The following ADARB1 variants were observed in gnomAD, a reference collection of about 807,000 sequenced individuals.
The protein encoded by ADARB1 is adenosine deaminase RNA specific B1.
Under a neutral mutation model 52.4 loss-of-function variants are expected in ADARB1, and 10 were observed. The observed-to-expected ratio is 0.19, with a 90% CI of 0.12 to 0.32. The LOEUF (loss-of-function observed/expected upper bound fraction) is 0.32, where lower values mean the gene tolerates loss of function less well. Ranked by LOEUF, ADARB1 falls within the 10% of genes least tolerant of loss-of-function variation. ADARB1 has a pLI of 1.00. For synonymous variants in ADARB1, 349 were observed against 371.1 expected (o/e 0.94, Z 0.68); for missense variants, 643 against 922.3 (o/e 0.70, Z 3.92).
chr21:45,136,781 T>C (rs1958791757), intron 2 of ADARB1, among the ~76,000 whole-genome samples: 2 of 152,358 alleles, frequency 1.3e-5, no homozygotes, highest in African/African-American at 4.8e-5. Flanking sequence ...CGCCCCCAGC[T>C]GGTGTCCACA....
chr21:45,161,252 T>G (rs384876), intron 2 of ADARB1, among the ~76,000 whole-genome samples: 1 of 152,002 alleles, frequency 6.6e-6, no homozygotes, highest in South Asian at 2.1e-4. Flanking sequence ...GCAGGAGCCC[T>G]GCCATCCTGG....
At chr21:45,100,198 G>A (rs2086939142) in intron 1 of ADARB1, among the ~76,000 whole-genome samples, 1 of 152,220 alleles carries the variant, frequency 6.6e-6, no homozygotes, top group African/African-American at 2.4e-5. Flanking sequence ...GTGAGATTAT[G>A]TATGTCTGCT....
chr21:45,197,703 G>A (rs1042829871), intron 8 of ADARB1, among the ~76,000 whole-genome samples: 3 of 152,098 alleles, frequency 2.0e-5, no homozygotes, highest in African/African-American at 7.2e-5. Context: ...TAGAACAGAC[G>A]GTGGCATATC....
intron 2 of ADARB1, among the ~76,000 whole-genome samples, chr21:45,166,054 A>G (rs1333924082): frequency 1.3e-5 from 2 of 152,216 alleles, no homozygotes; most frequent in African/African-American, 4.8e-5. Context: ...CCAGCACAAT[A>G]GAAACTATTC....
intron 2 of ADARB1, chr21:45,145,473 G>A (rs1025945386): frequency 5.3e-5 from 8 of 152,324 alleles, no homozygotes; most frequent in East Asian, 3.8e-4. Flanking sequence ...GGGTGATTTC[G>A]GGCAGGCGGG....
intron 8 of ADARB1, among the ~76,000 whole-genome samples, chr21:45,201,950 C>T (rs1310438029): frequency 6.6e-6 from 1 of 152,112 alleles, no homozygotes; most frequent in Non-Finnish European, 1.5e-5. Flanking sequence ...GACCTGTGGA[C>T]AGAAGCTTTG....
rs181840745 is a variant in ADARB1 at position 45,077,461 on chromosome 21, C to G, written c.-220+2668C>G. 2.2e-3 allele frequency among the ~76,000 whole-genome samples: 332 copies of G among 151,916 alleles called. 2 individuals are homozygous for G. Among genetic ancestry groups the G allele is most frequent in the African/African-American group, 7.2e-3 (299 of 41,426 alleles). ...CGGGTAGATCACGAGGTCAGGAGAT[C>G]GAGACCATCCTTGCTAACACGGTGA... is the stretch of plus-strand genomic sequence containing the variant. On this transcript the variant is annotated intron_variant, in intron 1 of 10. Coordinates refer to ENST00000348831, the MANE Select transcript of ADARB1 (RefSeq NM_001112.4).
At chr21:45,085,070 T>C (rs1388272205) in intron 1 of ADARB1, among the ~76,000 whole-genome samples, 1 of 152,204 alleles carries the variant, frequency 6.6e-6, no homozygotes, top group Non-Finnish European at 1.5e-5. Context: ...CGGATGCCGC[T>C]GGTGGGCCCT....
Position 45,176,385 on chromosome 21 carries a change from C to G in ADARB1, c.684C>G (p.Phe228Leu), listed in dbSNP as rs1382627222. 2 of 1,614,222 alleles carry G rather than the reference C, an allele frequency of 1.2e-6. No homozygotes were observed. The highest frequency in any genetic ancestry group is 2.7e-5 in the African/African-American group (2 of 75,064). The change falls in exon 4 of 11, where the codon TTC becomes TTG. Residue 228 changes from phenylalanine to leucine, a missense_variant. Transcript: ENST00000348831. This position sits in a 1 kb window ranked among gnomAD's most constrained non-coding sequence, Gnocchi z 5.8. ...AQPPLPVLPP[F>L]PPPSGKNPVM... ...CTCCTCTCCCTGTCTTACCACCATT[C>G]CCACCCCCGAGTGGGAAGAATCCCG...
chr21:45,171,681 A>C lies in ADARB1; in HGVS notation c.25A>C (p.Met9Leu), dbSNP rs2091488090. 2 of 1,613,330 alleles carry C rather than the reference A, an allele frequency of 1.2e-6. No homozygotes were observed. The highest frequency in any genetic ancestry group is 1.7e-6 in the Non-Finnish European group (2 of 1,179,636). The part of the protein sequence containing the change: MDIEDEEN[M>L]SSSSTDVKEN... Reference sequence around the variant, plus strand: ...CATGGATATAGAAGATGAAGAAAACATGAGTAAGATCTAGGCCTATCACGT... The same window carrying C: ...CATGGATATAGAAGATGAAGAAAACCTGAGTAAGATCTAGGCCTATCACGT... Residue 9 changes from methionine (M) to leucine (L), a missense_variant, in exon 3 of 11, where the codon ATG becomes CTG. By Grantham distance (15) the Met-to-Leu change is conservative (BLOSUM62 2). Transcript: ENST00000348831.
chr21:45,155,662 A>G (rs1192444940), intron 2 of ADARB1, among the ~76,000 whole-genome samples: 1 of 148,184 alleles, frequency 6.7e-6, no homozygotes, highest in East Asian at 2.0e-4. Context: ...TCCATCATCC[A>G]TCTCTCCATC....
In ADARB1 at chr21:45,157,699, TG is replaced by T. The variant is rs1307880895; in HGVS notation, c.-47-13906del. ...CATGTATGGACATATGTGCATAGGGTGGGGGTAACGAGGGAGAGGGACAAGA... is the reference window on the plus strand; with the variant it reads ...CATGTATGGACATATGTGCATAGGGTGGGGTAACGAGGGAGAGGGACAAGA... On this transcript the variant is annotated intron_variant, in intron 2 of 10. Coordinates refer to ENST00000348831, the MANE Select transcript of ADARB1 (RefSeq NM_001112.4). This position sits in a 1 kb window ranked among gnomAD's most constrained non-coding sequence, Gnocchi z 4.1. Among the ~76,000 whole-genome samples the T allele has an allele frequency of 1.3e-5, 2 of 151,814 alleles. No individual in the cohort carries two copies. The highest frequency in any genetic ancestry group is 4.8e-5 in the African/African-American group (2 of 41,360).
At chr21:45,149,082 T>A (rs2090151746) in intron 2 of ADARB1, among the ~76,000 whole-genome samples, 1 of 152,222 alleles carries the variant, frequency 6.6e-6, no homozygotes, top group South Asian at 2.1e-4. Flanking sequence ...GGCACAACCC[T>A]GACACCCGCA....
At chr21:45,211,868 C>T (rs1056671245) in intron 9 of ADARB1, among the ~76,000 whole-genome samples, 3 of 152,196 alleles carry the variant, frequency 2.0e-5, no homozygotes, top group African/African-American at 7.2e-5. Flanking sequence ...CCACACTGCA[C>T]TGGCCTCAGG....
chr21:45,204,762 T>G lies in ADARB1; in HGVS notation c.1747+26T>G, dbSNP rs1234112049. 1.2e-6 allele frequency: 2 copies of G among 1,604,060 alleles called. No homozygotes were observed. The highest frequency in any genetic ancestry group is 2.7e-5 in the African/African-American group (2 of 74,714). Reference sequence around the variant, plus strand: ...GCAAGTATCTCTAGAGTGTGCTGATTTAATCTCTGTCTTGATTTTGCAATG... The same window carrying G: ...GCAAGTATCTCTAGAGTGTGCTGATGTAATCTCTGTCTTGATTTTGCAATG... On this transcript the variant is annotated intron_variant, in intron 9 of 10. Transcript: ENST00000348831. This position sits in a 1 kb window ranked among gnomAD's most constrained non-coding sequence, Gnocchi z 4.4.
intron 2 of ADARB1, chr21:45,144,844 A>G (rs1011625458): frequency 3.4e-5 from 7 of 203,268 alleles, no homozygotes; most frequent in African/African-American, 1.4e-4. Flanking sequence ...GAGAGTCTAA[A>G]TTACTCTGAC....
At chr21:45,192,009 T>G (rs2092314511) in intron 8 of ADARB1, among the ~76,000 whole-genome samples, 2 of 151,382 alleles carry the variant, frequency 1.3e-5, no homozygotes, top group African/African-American at 2.4e-5. Flanking sequence ...AAATTTTTGT[T>G]TCTTCTAGAA....
chr21:45,163,514 C>G (rs1396627037), intron 2 of ADARB1, among the ~76,000 whole-genome samples: 1 of 152,174 alleles, frequency 6.6e-6, no homozygotes, highest in Non-Finnish European at 1.5e-5. Flanking sequence ...CAGCTTTGCA[C>G]AAGGAGCCAG....
At chr21:45,089,011 T>C (rs1421438371) in intron 1 of ADARB1, among the ~76,000 whole-genome samples, 6 of 152,176 alleles carry the variant, frequency 3.9e-5, no homozygotes, top group Non-Finnish European at 8.8e-5. Context: ...TGGTCTAAGC[T>C]TAGAGACCTG....
Sources: gnomAD v4.1 joint callset for allele counts (sites outside exome capture counted in the v4.1 genomes callset) on GRCh38, gnomAD v4.1.1 for gene constraint, Gnocchi (gnomAD v3.1) non-coding constraint, MANE v1.5 for transcripts, NCBI Gene and HGNC (gene_info 2026-07-23, HGNC 2026-07-21) for gene names.